TOX: variants seen among roughly 807,000 people sequenced by gnomAD.
TOX encodes the protein thymocyte selection-associated high mobility group box protein TOX.
In TOX, 11 loss-of-function variants were observed where a neutral mutation model predicts 53.7. The observed-to-expected ratio is 0.20, with a 90% CI of 0.13 to 0.34. The LOEUF (loss-of-function observed/expected upper bound fraction) is 0.34, where lower values mean the gene tolerates loss of function less well. Ranked by LOEUF, TOX falls within the 10% of genes least tolerant of loss-of-function variation. The pLI is 1.00. For synonymous variants in TOX, 225 were observed against 245.3 expected (o/e 0.92, Z 0.77); for missense variants, 570 against 664.6 (o/e 0.86, Z 1.56).
rs559162896 is a variant in TOX, at chr8:58,877,148, AC to A, written c.412-25344del. On this transcript the variant is annotated intron_variant, in intron 3 of 8. Transcript: ENST00000361421. ...GTTTACAAAGGGAACCAATGCTAGA[AC>A]CAAATTTCACAATTGTGTTTTTCAT... Among the ~76,000 whole-genome samples the A allele has an allele frequency of 1.1e-3, 174 of 152,278 alleles. 1 individual carries two copies. The highest frequency in any genetic ancestry group is 2.0e-3 in the Non-Finnish European group (137 of 68,010).
At chr8:59,001,219 G>C (rs1335998206) in intron 1 of TOX, among the ~76,000 whole-genome samples, 1 of 152,160 alleles carries the variant, frequency 6.6e-6, no homozygotes, top group Non-Finnish European at 1.5e-5. Context: ...GGATAATCAA[G>C]TTTATGGTTT....
intron 1 of TOX, among the ~76,000 whole-genome samples, chr8:59,004,840 T>C (rs748827444): frequency 7.9e-5 from 12 of 152,184 alleles, no homozygotes; most frequent in Non-Finnish European, 1.8e-4. Flanking sequence ...ATTGTTACTA[T>C]AACAAAACAT....
chr8:58,996,012 T>C (rs1257416009), intron 1 of TOX, among the ~76,000 whole-genome samples: 4 of 152,184 alleles, frequency 2.6e-5, no homozygotes, highest in Non-Finnish European at 4.4e-5. Context: ...TGCTCTCCCC[T>C]TACTCAATAA....
chr8:58,817,809 A>C (rs964718146), intron 6 of TOX, among the ~76,000 whole-genome samples: 1 of 152,186 alleles, frequency 6.6e-6, no homozygotes, highest in East Asian at 1.9e-4. Flanking sequence ...AAATAATACA[A>C]GTCACTCACA....
intron 1 of TOX, among the ~76,000 whole-genome samples, chr8:59,010,241 T>C (rs1813877588): frequency 6.6e-6 from 1 of 152,226 alleles, no homozygotes; most frequent in South Asian, 2.1e-4. Context: ...CTTAGATCAC[T>C]GCAAATATTA....
At chr8:58,847,220 C>G (rs528216723) in intron 4 of TOX, among the ~76,000 whole-genome samples, 1 of 152,074 alleles carries the variant, frequency 6.6e-6, no homozygotes, top group South Asian at 2.1e-4. Context: ...GCTATTAAAA[C>G]CAACATATTC....
At chr8:58,961,915 C>T (rs913185345) in intron 1 of TOX, among the ~76,000 whole-genome samples, 11 of 152,216 alleles carry the variant, frequency 7.2e-5, no homozygotes, top group African/African-American at 2.7e-4. Flanking sequence ...ATTTCTTCAT[C>T]TCCACCCACT....
chr8:58,831,881 T>C (rs7820385), intron 5 of TOX, among the ~76,000 whole-genome samples: 1 of 152,022 alleles, frequency 6.6e-6, no homozygotes, highest in Non-Finnish European at 1.5e-5. Flanking sequence ...TGGACTGATA[T>C]ACAGGTATAC....
chr8:58,903,582 G>A (rs1563384590), intron 3 of TOX, among the ~76,000 whole-genome samples: 2 of 152,110 alleles, frequency 1.3e-5, no homozygotes, highest in East Asian at 1.9e-4. Context: ...ATCAATTCCA[G>A]GAATATTCAT....
At chr8:59,085,624 A>T (rs540040576) in intron 1 of TOX, among the ~76,000 whole-genome samples, 2 of 152,274 alleles carry the variant, frequency 1.3e-5, no homozygotes, top group Non-Finnish European at 2.9e-5. Flanking sequence ...CTGGGCTTAA[A>T]CAATCCTCCT....
intron 1 of TOX, among the ~76,000 whole-genome samples, chr8:59,043,913 A>C (rs1186249871): frequency 6.6e-6 from 1 of 152,250 alleles, no homozygotes; most frequent in Non-Finnish European, 1.5e-5. Flanking sequence ...ACCAAGACTT[A>C]TGAATGGATA....
At chr8:58,962,706 T>G (rs1812821972) in intron 1 of TOX, among the ~76,000 whole-genome samples, 3 of 152,136 alleles carry the variant, frequency 2.0e-5, no homozygotes, top group African/African-American at 7.2e-5. Context: ...CTTGGGAGGC[T>G]AAGGTGGGAG....
intron 1 of TOX, among the ~76,000 whole-genome samples, chr8:59,070,113 A>G (rs1325400814): frequency 6.6e-6 from 1 of 152,248 alleles, no homozygotes; most frequent in Non-Finnish European, 1.5e-5. Context: ...TAAAAGTAAT[A>G]AAGCTAATTT....
chr8:59,098,855 A>C (rs903963468), intron 1 of TOX, among the ~76,000 whole-genome samples: 4 of 152,116 alleles, frequency 2.6e-5, no homozygotes, highest in Non-Finnish European at 5.9e-5. Context: ...AACATTGGAG[A>C]AATGCTTTAT....
chr8:59,069,171 C>T (rs566607878), intron 1 of TOX, among the ~76,000 whole-genome samples: 62 of 152,036 alleles, frequency 4.1e-4, no homozygotes, highest in African/African-American at 1.4e-3. Flanking sequence ...CTGACCTATG[C>T]GAGGGGAAGT....
At chr8:59,001,312 C>T (rs564841449) in intron 1 of TOX, among the ~76,000 whole-genome samples, 1 of 152,174 alleles carries the variant, frequency 6.6e-6, no homozygotes, top group African/African-American at 2.4e-5. Flanking sequence ...TTCTAATTTT[C>T]TCCCAATAAT....
chr8:59,065,258 A>G (rs979684965), intron 1 of TOX, among the ~76,000 whole-genome samples: 4 of 152,196 alleles, frequency 2.6e-5, no homozygotes, highest in African/African-American at 9.6e-5. Flanking sequence ...CTCCCCCTCA[A>G]AGAACTACCA....
At chr8:58,902,071 T>G (rs766323543) in intron 3 of TOX, among the ~76,000 whole-genome samples, 113 of 152,320 alleles carry the variant, frequency 7.4e-4, no homozygotes, top group Non-Finnish European at 8.1e-4. Context: ...TGGTAACATA[T>G]CTCCATATTT....
rs190081256 is a variant in TOX at position 58,974,068 on chromosome 8, A to G, written c.103-14060T>C. Reference sequence around the variant, plus strand: ...CTGCCTTGCCCTCCCAAAGTGCTGTAATTACGAGTGTGAGCCACTGTGCCT... The same window carrying G: ...CTGCCTTGCCCTCCCAAAGTGCTGTGATTACGAGTGTGAGCCACTGTGCCT... On this transcript the variant is annotated intron_variant, in intron 1 of 8. Transcript: ENST00000361421. Among the ~76,000 whole-genome samples, 95 of 152,210 alleles carry G rather than the reference A, an allele frequency of 6.2e-4. No individual in the cohort carries two copies. In the South Asian group the frequency reaches 7.9e-3, roughly 13 times the overall value.
Sources: allele counts gnomAD v4.1 joint callset (sites outside exome capture counted in the v4.1 genomes callset), GRCh38; gene constraint gnomAD v4.1.1; transcripts MANE v1.5; gene names NCBI Gene and HGNC (gene_info 2026-07-23, HGNC 2026-07-21).